Variants in PLAC8L1 observed in about 807,000 individuals in gnomAD.
The protein encoded by PLAC8L1 is PLAC8 like 1, also known as PLAC8-like protein 1.
A neutral mutation model predicts 16.3 loss-of-function variants in PLAC8L1; 13 were observed. The ratio of observed to expected loss-of-function variants is 0.80; its 90% CI spans 0.52 to 1.27. The LOEUF is 1.27. Ranked by LOEUF, PLAC8L1 falls within the 50% of genes most tolerant of loss-of-function variation. PLAC8L1 has a pLI of 0.00. For synonymous variants in PLAC8L1, 78 were observed against 79.3 expected, an observed-to-expected ratio of 0.98 and a Z score of 0.09; for missense variants, 184 against 220.2, an observed-to-expected ratio of 0.84 and a Z score of 1.04.
At position 146,098,233 on chromosome 5, in the gene PLAC8L1, G is replaced by A. The variant is rs776737291; in HGVS notation, c.179C>T (p.Thr60Met). The part of the protein sequence containing the change: ...KQPVRGASGR[T>M]TITAIVQTGG... Reference sequence around the variant, plus strand: ...AGTCTGGACAATTGCTGTGATTGTCGTCCTGCCACTGGCTCCCCGAACAGG... The same window carrying A: ...AGTCTGGACAATTGCTGTGATTGTCATCCTGCCACTGGCTCCCCGAACAGG... Residue 60 changes from threonine (T) to methionine (M), a missense_variant, in exon 2 of 4, where the codon ACG (threonine) becomes ATG (methionine). By Grantham distance (81) the Thr-to-Met change is moderately conservative (BLOSUM62 -1). Transcript: ENST00000311450. 2.0e-5 allele frequency: 33 copies of A among 1,613,908 alleles called. 1 individual carries two copies. The highest frequency in any genetic ancestry group is 9.9e-5 in the South Asian group (9 of 91,054).
chr5:146,097,383 G>A (rs1206610529), intron 2 of PLAC8L1, among the ~76,000 whole-genome samples: 1 of 152,116 alleles, frequency 6.6e-6, no homozygotes, highest in Admixed American at 6.5e-5. Context: ...GTTGATAGGA[G>A]TACTACATAT....
intron 2 of PLAC8L1, among the ~76,000 whole-genome samples, chr5:146,091,661 G>T (rs1357376484): frequency 6.6e-6 from 1 of 151,986 alleles, no homozygotes; most frequent in Non-Finnish European, 1.5e-5. Flanking sequence ...AATTAGCCAG[G>T]CATGGTGGCA....
At position 146,084,365 on chromosome 5, in the gene PLAC8L1, G is replaced by C; in HGVS notation, c.*67C>G. 1.9e-6 allele frequency: 3 copies of C among 1,540,338 alleles called. No homozygotes were observed. Among genetic ancestry groups the C allele is most frequent in the Non-Finnish European group, 2.6e-6 (3 of 1,132,672 alleles). ...CATTTCAGTAAAAACTTAGGAAAAA[G>C]CAATTGTTCCACTGAGAGGTTTGAG... On this transcript the variant is annotated 3_prime_UTR_variant, in exon 4 of 4. Coordinates refer to ENST00000311450, the MANE Select transcript of PLAC8L1 (RefSeq NM_001029869.3).
intron 1 of PLAC8L1, among the ~76,000 whole-genome samples, chr5:146,101,798 C>T (rs1763821590): frequency 6.6e-6 from 1 of 152,298 alleles, no homozygotes; most frequent in South Asian, 2.1e-4. Flanking sequence ...AGGCATTTAC[C>T]TCTCAATGTG....
At chr5:146,085,374 C>A in intron 3 of PLAC8L1, 87 bp downstream of exon 3, 1 of 1,437,702 alleles carries the variant, frequency 7.0e-7, no homozygotes. Context: ...CTCACCCACC[C>A]TTCTTTTATT....
chr5:146,097,454 C>T (rs530091162), intron 2 of PLAC8L1, among the ~76,000 whole-genome samples: 6 of 152,182 alleles, frequency 3.9e-5, no homozygotes, highest in Non-Finnish European at 8.8e-5. Flanking sequence ...CATTAACCTC[C>T]CATCTGGAGA....
intron 1 of PLAC8L1, among the ~76,000 whole-genome samples, chr5:146,100,834 T>C (rs999603329): frequency 5.3e-5 from 8 of 152,132 alleles, no homozygotes; most frequent in African/African-American, 1.2e-4. Context: ...GTGAATGTAT[T>C]TGGAGACAGG....
intron 2 of PLAC8L1, among the ~76,000 whole-genome samples, chr5:146,097,548 GCA>G (rs1303450488): frequency 6.6e-6 from 1 of 152,180 alleles, no homozygotes; most frequent in African/African-American, 2.4e-5. Flanking sequence ...TATCTACTGT[GCA>G]CAGTTTTGCA....
At chr5:146,088,588 G>T (rs1036483513) in intron 2 of PLAC8L1, among the ~76,000 whole-genome samples, 1 of 152,166 alleles carries the variant, frequency 6.6e-6, no homozygotes, top group Non-Finnish European at 1.5e-5. Context: ...AGTAGCACAA[G>T]CATACAAAGG....
At chr5:146,090,663 T>G (rs1763596002) in intron 2 of PLAC8L1, among the ~76,000 whole-genome samples, 1 of 152,112 alleles carries the variant, frequency 6.6e-6, no homozygotes, top group Non-Finnish European at 1.5e-5. Context: ...CAAATACAAA[T>G]GGCCAGTAAC....
intron 2 of PLAC8L1, among the ~76,000 whole-genome samples, chr5:146,086,532 T>C (rs576257512): frequency 1.4e-4 from 21 of 152,342 alleles, no homozygotes; most frequent in African/African-American, 4.8e-4. Flanking sequence ...TTTACTGATA[T>C]TGTTTTCTAC....
At chr5:146,087,084 C>T (rs1763530029) in intron 2 of PLAC8L1, among the ~76,000 whole-genome samples, 1 of 152,178 alleles carries the variant, frequency 6.6e-6, no homozygotes, top group Admixed American at 6.5e-5. Flanking sequence ...ATCTATTCTT[C>T]TAGATGAGTT....
intron 1 of PLAC8L1, among the ~76,000 whole-genome samples, chr5:146,102,464 C>G (rs927162894): frequency 6.6e-6 from 1 of 152,160 alleles, no homozygotes; most frequent in Admixed American, 6.5e-5. Context: ...CTTCCATGTA[C>G]CAGGATCTCA....
chr5:146,089,265 A>T (rs2150034101), intron 2 of PLAC8L1, among the ~76,000 whole-genome samples: 1 of 152,336 alleles, frequency 6.6e-6, no homozygotes, highest in African/African-American at 2.4e-5. Flanking sequence ...ATGCTGAAAG[A>T]AACATACCTC....
chr5:146,103,525 C>T (rs934225850), intron 1 of PLAC8L1, among the ~76,000 whole-genome samples: 2 of 151,972 alleles, frequency 1.3e-5, no homozygotes, highest in Non-Finnish European at 2.9e-5. Flanking sequence ...TGGCCCAGGA[C>T]CAAGGGTTTT....
intron 3 of PLAC8L1, among the ~76,000 whole-genome samples, chr5:146,085,115 A>G (rs562625795): frequency 6.7e-6 from 1 of 148,224 alleles, no homozygotes; most frequent in South Asian, 2.1e-4. Context: ...TTTTTTTTCC[A>G]CTTAAAAATA....
At chr5:146,100,577 A>C (rs1213918222) in intron 1 of PLAC8L1, among the ~76,000 whole-genome samples, 1 of 152,212 alleles carries the variant, frequency 6.6e-6, no homozygotes, top group Non-Finnish European at 1.5e-5. Flanking sequence ...TTTTGCAAAA[A>C]TTCCCAAATA....
chr5:146,092,829 C>T (rs1225883651), intron 2 of PLAC8L1, among the ~76,000 whole-genome samples: 1 of 152,090 alleles, frequency 6.6e-6, no homozygotes, highest in Admixed American at 6.6e-5. Context: ...AGCCACCGCA[C>T]CCGGCCGAAT....
Position 146,085,528 on chromosome 5 carries a change from C to A in PLAC8L1, c.326G>T (p.Cys109Phe), listed in dbSNP as rs138357876. The A allele has an allele frequency of 1.1e-5, 18 of 1,614,052 alleles. No individual in the cohort carries two copies. The African/African-American group carries it at 2.1e-4, about 19-fold the overall frequency. The part of the protein sequence containing the change: ...DIARHYGECL[C>F]WPLLPGSTFA... ...GGTGGACCCAGGTAACAACGGCCAA[C>A]AAAGACACTCTCCATAATGCCTGGC... The change falls in exon 3 of 4, where the codon TGT (cysteine) becomes TTT (phenylalanine). Residue 109 changes from cysteine (C) to phenylalanine (F), a missense_variant. Cys to Phe is a radical substitution (Grantham distance 205). Transcript: ENST00000311450.
Sources: allele counts gnomAD v4.1 joint callset (sites outside exome capture counted in the v4.1 genomes callset), GRCh38; gene constraint gnomAD v4.1.1; transcripts MANE v1.5; gene names NCBI Gene and HGNC (gene_info 2026-07-23, HGNC 2026-07-21).